ATXN7L1: variants seen among roughly 807,000 people sequenced by gnomAD.
The protein encoded by ATXN7L1 is ataxin-7-like protein 1.
Under a neutral mutation model 70.8 loss-of-function variants are expected in ATXN7L1, and 15 were observed. That is an observed-to-expected ratio of 0.21 (90% CI 0.14 to 0.33). The LOEUF (loss-of-function observed/expected upper bound fraction) is 0.33, where lower values mean the gene tolerates loss of function less well. Among genes scored for constraint, ATXN7L1 ranks in the 10% least tolerant of loss-of-function variants. The pLI is 1.00. For missense variants in ATXN7L1, 975 were observed against 1,097.1 expected (o/e 0.89, Z 1.57); for synonymous variants, 440 against 445.1 (o/e 0.99, Z 0.14).
chr7:105,642,349 C>T (rs1391888483), intron 5 of ATXN7L1, among the ~76,000 whole-genome samples: 2 of 152,198 alleles, frequency 1.3e-5, no homozygotes, highest in African/African-American at 4.8e-5. Flanking sequence ...CAGAATTAAC[C>T]TGGAAACTCC....
chr7:105,656,880 T>C (rs538955280), intron 4 of ATXN7L1, among the ~76,000 whole-genome samples: 49 of 152,210 alleles, frequency 3.2e-4, no homozygotes, highest in Non-Finnish European at 6.0e-4. Context: ...CCCTTTCTTG[T>C]AATGCAGTTA....
chr7:105,617,305 T>G (rs1221780049), intron 9 of ATXN7L1, among the ~76,000 whole-genome samples: 1 of 152,174 alleles, frequency 6.6e-6, no homozygotes, highest in East Asian at 1.9e-4. Flanking sequence ...ATTACAGGCA[T>G]GAGCCACTGC....
chr7:105,798,009 T>G (rs1806249596), intron 2 of ATXN7L1, among the ~76,000 whole-genome samples: 1 of 152,258 alleles, frequency 6.6e-6, no homozygotes, highest in African/African-American at 2.4e-5. Context: ...TCATTTTCTC[T>G]TCTCTCGAAA....
At chr7:105,669,539 G>C (rs1803191036) in intron 3 of ATXN7L1, among the ~76,000 whole-genome samples, 1 of 152,186 alleles carries the variant, frequency 6.6e-6, no homozygotes, top group African/African-American at 2.4e-5. Flanking sequence ...TGTCCTACTT[G>C]TGAAACTGAA....
chr7:105,681,751 A>G (rs1805585511), intron 3 of ATXN7L1, among the ~76,000 whole-genome samples: 1 of 152,202 alleles, frequency 6.6e-6, no homozygotes, highest in Non-Finnish European at 1.5e-5. Flanking sequence ...AACTTTGGGG[A>G]CACTATGCTA....
chr7:105,695,037 G>A (rs925997188), intron 3 of ATXN7L1, among the ~76,000 whole-genome samples: 12 of 152,170 alleles, frequency 7.9e-5, no homozygotes, highest in African/African-American at 2.7e-4. Flanking sequence ...TGTAGTCCCA[G>A]CTACTCAGGA....
intron 7 of ATXN7L1, among the ~76,000 whole-genome samples, chr7:105,626,780 T>C (rs1168915651): frequency 1.3e-5 from 2 of 152,140 alleles, no homozygotes; most frequent in Non-Finnish European, 2.9e-5. Flanking sequence ...AAAAAACCAG[T>C]ATCCATAACT....
intron 9 of ATXN7L1, chr7:105,618,145 G>A (rs763461086): frequency 2.3e-6 from 1 of 443,684 alleles, no homozygotes; most frequent in Non-Finnish European, 4.5e-6. Context: ...ACACCAGGGA[G>A]TGAAATACAG....
At chr7:105,700,791 C>G (rs1309346295) in intron 3 of ATXN7L1, among the ~76,000 whole-genome samples, 5 of 152,032 alleles carry the variant, frequency 3.3e-5, no homozygotes, top group African/African-American at 1.2e-4. Context: ...AAGTGATCCT[C>G]CCACCCCAGC....
intron 2 of ATXN7L1, among the ~76,000 whole-genome samples, chr7:105,829,165 T>A (rs757481042): frequency 1.3e-5 from 2 of 152,186 alleles, no homozygotes; most frequent in Non-Finnish European, 2.9e-5. Flanking sequence ...CTCACGCCTG[T>A]AATCCCAGCA....
chr7:105,623,378 G>A (rs370707217), intron 8 of ATXN7L1, among the ~76,000 whole-genome samples: 6 of 152,168 alleles, frequency 3.9e-5, no homozygotes, highest in South Asian at 2.1e-4. Context: ...TCAAGTGCTC[G>A]TACGCAAACA....
intron 2 of ATXN7L1, among the ~76,000 whole-genome samples, chr7:105,865,194 A>T (rs1420357800): frequency 6.6e-6 from 1 of 152,184 alleles, no homozygotes; most frequent in East Asian, 1.9e-4. Context: ...ACTTTATACC[A>T]GATAGCATCT....
At chr7:105,719,100 C>A (rs935547639) in intron 3 of ATXN7L1, among the ~76,000 whole-genome samples, 34 of 152,158 alleles carry the variant, frequency 2.2e-4, no homozygotes, top group African/African-American at 8.2e-4. Context: ...TGGAATGATT[C>A]TTCTGTCCTT....
At chr7:105,659,821 C>T (rs1801300916) in intron 4 of ATXN7L1, among the ~76,000 whole-genome samples, 1 of 152,188 alleles carries the variant, frequency 6.6e-6, no homozygotes, top group Non-Finnish European at 1.5e-5. Flanking sequence ...AGTCCTGGCC[C>T]ATACCTATCT....
At chr7:105,817,499 C>CCA (rs1809364618) in intron 2 of ATXN7L1, among the ~76,000 whole-genome samples, 1 of 152,214 alleles carries the variant, frequency 6.6e-6, no homozygotes, top group African/African-American at 2.4e-5. Flanking sequence ...AAGAATGTAA[C>CCA]TTGCCCTCAA....
At chr7:105,718,765 T>A (rs185576571) in intron 3 of ATXN7L1, among the ~76,000 whole-genome samples, 37 of 152,334 alleles carry the variant, frequency 2.4e-4, no homozygotes, top group African/African-American at 8.7e-4. Flanking sequence ...TCACACGGGC[T>A]CTTTGTCTGC....
chr7:105,782,678 G>A (rs1469432996), intron 3 of ATXN7L1, among the ~76,000 whole-genome samples: 1 of 152,360 alleles, frequency 6.6e-6, no homozygotes, highest in Admixed American at 6.5e-5. Context: ...GGCAGGGAAC[G>A]CAGAGAGATA....
chr7:105,671,403 C>G (rs1285552243), intron 3 of ATXN7L1, among the ~76,000 whole-genome samples: 3 of 152,106 alleles, frequency 2.0e-5, no homozygotes, highest in African/African-American at 7.2e-5. Flanking sequence ...GACCGTGTAA[C>G]AGAAAGACCA....
chr7:105,869,961 T>C (rs1818006766), intron 2 of ATXN7L1, among the ~76,000 whole-genome samples: 1 of 152,216 alleles, frequency 6.6e-6, no homozygotes, highest in African/African-American at 2.4e-5. Context: ...AACTTATCAA[T>C]GATCACTTAA....
Sources: gnomAD v4.1 joint callset for allele counts (sites outside exome capture counted in the v4.1 genomes callset) on GRCh38, gnomAD v4.1.1 for gene constraint, MANE v1.5 for transcripts, NCBI Gene and HGNC (gene_info 2026-07-23, HGNC 2026-07-21) for gene names.